The following NLGN1 variants were observed in gnomAD, a reference collection of about 807,000 sequenced individuals.
NLGN1 encodes the protein neuroligin-1.
A neutral mutation model predicts 65.5 loss-of-function variants in NLGN1; 12 were observed. The ratio of observed to expected loss-of-function variants is 0.18; its 90% CI spans 0.12 to 0.30. The LOEUF is 0.30. Among genes scored for constraint, NLGN1 ranks in the 10% least tolerant of loss-of-function variants. The pLI, the probability that NLGN1 is intolerant of heterozygous loss-of-function variation, is 1.00. For missense variants in NLGN1, 750 were observed against 1,007.1 expected, an observed-to-expected ratio of 0.74 and a Z score of 3.46; for synonymous variants, 350 against 359.5, an observed-to-expected ratio of 0.97 and a Z score of 0.30.
chr3:174,036,327 G>T (rs538246752), intron 4 of NLGN1, among the ~76,000 whole-genome samples: 65 of 152,210 alleles, frequency 4.3e-4, no homozygotes, highest in African/African-American at 1.6e-3. Flanking sequence ...TCTTATGGAG[G>T]TGAAACCACT....
At chr3:173,886,005 A>G (rs529347536) in intron 4 of NLGN1, among the ~76,000 whole-genome samples, 2 of 152,232 alleles carry the variant, frequency 1.3e-5, no homozygotes, top group African/African-American at 4.8e-5. Context: ...AGTTATAGGG[A>G]TGTTTGTTTC....
At chr3:173,702,679 A>G (rs1435312618) in intron 3 of NLGN1, among the ~76,000 whole-genome samples, 4 of 152,178 alleles carry the variant, frequency 2.6e-5, no homozygotes, top group Non-Finnish European at 5.9e-5. Context: ...GTATTTTTCA[A>G]TGTCTTTGGA....
At chr3:174,244,872 T>G (rs764835541) in intron 4 of NLGN1, among the ~76,000 whole-genome samples, 7 of 152,192 alleles carry the variant, frequency 4.6e-5, no homozygotes, top group Non-Finnish European at 1.0e-4. Context: ...CTTTGCACTC[T>G]TATTATTCCT....
intron 4 of NLGN1, among the ~76,000 whole-genome samples, chr3:174,065,654 C>T (rs949909320): frequency 6.6e-6 from 1 of 151,878 alleles, no homozygotes; most frequent in Non-Finnish European, 1.5e-5. Flanking sequence ...TTCCTACTTA[C>T]TTGCTTCTAG....
At chr3:174,249,289 T>G (rs1412122658) in intron 4 of NLGN1, among the ~76,000 whole-genome samples, 1 of 152,214 alleles carries the variant, frequency 6.6e-6, no homozygotes, top group Middle Eastern at 3.2e-3. Flanking sequence ...GTTACTTATT[T>G]CCCATGCCTC....
At chr3:173,450,611 A>C (rs867377329) in intron 2 of NLGN1, among the ~76,000 whole-genome samples, 3 of 152,066 alleles carry the variant, frequency 2.0e-5, no homozygotes, top group Admixed American at 1.3e-4. Flanking sequence ...GTTGGCCTGC[A>C]TTGCTATATT....
chr3:173,659,596 C>CATA (rs1228775487), intron 3 of NLGN1, among the ~76,000 whole-genome samples: 1 of 151,810 alleles, frequency 6.6e-6, no homozygotes. Flanking sequence ...ACAGAGTCTT[C>CATA]TTTGCCAGCT....
chr3:173,498,563 A>G (rs914103880), intron 2 of NLGN1, among the ~76,000 whole-genome samples: 1 of 151,860 alleles, frequency 6.6e-6, no homozygotes, highest in Non-Finnish European at 1.5e-5. Context: ...CTCTGGGTAT[A>G]TACCCAGTAA....
chr3:173,502,332 T>C (rs1731277467), intron 2 of NLGN1, among the ~76,000 whole-genome samples: 1 of 152,088 alleles, frequency 6.6e-6, no homozygotes, highest in Admixed American at 6.6e-5. Flanking sequence ...AATCTTCAGG[T>C]CTAAAGGAGT....
intron 2 of NLGN1, among the ~76,000 whole-genome samples, chr3:173,448,306 T>C (rs1178372610): frequency 6.6e-6 from 1 of 152,226 alleles, no homozygotes; most frequent in East Asian, 1.9e-4. Flanking sequence ...CTTTTCTGCA[T>C]CTATTGAGAT....
intron 4 of NLGN1, among the ~76,000 whole-genome samples, chr3:174,147,873 A>G (rs566243224): frequency 6.6e-6 from 1 of 152,302 alleles, no homozygotes; most frequent in East Asian, 1.9e-4. Context: ...CTGCATATGA[A>G]TAATACATGA....
At chr3:174,282,091 T>C (rs777390902) in exon 7 of NLGN1, 3 of 152,382 alleles carry the variant, frequency 2.0e-5, no homozygotes, top group Non-Finnish European at 1.5e-5. Context: ...AGTTTCAATA[T>C]AGAAGGAATT....
At chr3:174,233,999 T>C (rs9831517) in intron 4 of NLGN1, among the ~76,000 whole-genome samples, 48,100 of 152,018 alleles carry the variant, frequency 0.32, 8,210 homozygotes, top group East Asian at 0.52. Flanking sequence ...ATTTAAACTT[T>C]AGTTTTCTAT....
At chr3:174,080,161 G>C (rs1741847362) in intron 4 of NLGN1, among the ~76,000 whole-genome samples, 1 of 152,122 alleles carries the variant, frequency 6.6e-6, no homozygotes, top group African/African-American at 2.4e-5. Context: ...TTTCACCAGT[G>C]CCTACATCCA....
intron 4 of NLGN1, among the ~76,000 whole-genome samples, chr3:174,003,968 G>A (rs1723844362): frequency 6.6e-6 from 1 of 152,166 alleles, no homozygotes; most frequent in Non-Finnish European, 1.5e-5. Flanking sequence ...TGAAATCACA[G>A]AATCTTAATG....
chr3:174,085,245 GA>G (rs2152556784), intron 4 of NLGN1, among the ~76,000 whole-genome samples: 1 of 151,910 alleles, frequency 6.6e-6, no homozygotes, highest in East Asian at 1.9e-4. Context: ...AAAATCTTGG[GA>G]AAAATATGCT....
Position 173,547,195 on chromosome 3 carries a change from C to T in NLGN1, c.-320-57084C>T, listed in dbSNP as rs543374644. Among the ~76,000 whole-genome samples, 5 of 152,174 alleles carry T rather than the reference C, an allele frequency of 3.3e-5. No homozygotes were observed. In the East Asian group the frequency reaches 5.8e-4, roughly 18 times the overall value. On this transcript the variant is annotated intron_variant, in intron 2 of 6. Transcript: ENST00000457714. ...CTTCAGCGAATATTAGTCTGAATCTCTCCAAATCTTGTTTTCTTACTACAG... is the reference window on the plus strand; with the variant it reads ...CTTCAGCGAATATTAGTCTGAATCTTTCCAAATCTTGTTTTCTTACTACAG...
intron 4 of NLGN1, among the ~76,000 whole-genome samples, chr3:174,215,376 A>T (rs779038060): frequency 6.6e-6 from 1 of 152,182 alleles, no homozygotes; most frequent in African/African-American, 2.4e-5. Context: ...CAAAAATGTG[A>T]CACTTTCAAA....
intron 4 of NLGN1, among the ~76,000 whole-genome samples, chr3:174,126,472 A>T (rs1402400472): frequency 6.6e-6 from 1 of 152,160 alleles, no homozygotes; most frequent in African/African-American, 2.4e-5. Context: ...ATTTCTGTAT[A>T]TTCCTTCCAA....
Sources: allele counts gnomAD v4.1 joint callset (sites outside exome capture counted in the v4.1 genomes callset), GRCh38; gene constraint gnomAD v4.1.1; transcripts MANE v1.5; gene names NCBI Gene and HGNC (gene_info 2026-07-23, HGNC 2026-07-21).